Variants in NALCN observed in about 807,000 individuals in gnomAD.
NALCN encodes the protein sodium leak channel, non-selective.
Under a neutral mutation model 225.3 loss-of-function variants are expected in NALCN, and 111 were observed. The ratio of observed to expected loss-of-function variants is 0.49; its 90% CI spans 0.42 to 0.58. The LOEUF is 0.58. NALCN is among the 20% of genes least tolerant of loss of function. The pLI is 0.00. For missense variants in NALCN, 1,378 were observed against 2,202.4 expected (o/e 0.63, Z 7.49); for synonymous variants, 764 against 769.0 (o/e 0.99, Z 0.11).
chr13:101,147,867 T>TA (rs2037435225), intron 15 of NALCN, among the ~76,000 whole-genome samples: 1 of 152,102 alleles, frequency 6.6e-6, no homozygotes, highest in Non-Finnish European at 1.5e-5. Flanking sequence ...CCCCCACCTC[T>TA]GCCGGCCCTC....
intron 2 of NALCN, among the ~76,000 whole-genome samples, chr13:101,398,488 C>T (rs8000376): frequency 0.6 from 90,550 of 152,040 alleles, 28,100 homozygotes; most frequent in East Asian, 0.85. Context: ...CTTTCTGGCA[C>T]ACAGTCGTGC....
chr13:101,153,055 CTCTT>C (rs1342932160), intron 15 of NALCN, among the ~76,000 whole-genome samples: 1 of 149,340 alleles, frequency 6.7e-6, no homozygotes, highest in Non-Finnish European at 1.5e-5. Context: ...TGTAATTTTT[CTCTT>C]TTTTTTAATT....
intron 15 of NALCN, among the ~76,000 whole-genome samples, chr13:101,157,954 C>A (rs546632665): frequency 1.6e-4 from 25 of 152,000 alleles, no homozygotes; most frequent in Middle Eastern, 3.4e-3. Flanking sequence ...GGTTTCACCA[C>A]GTTGGCCAGG....
chr13:101,121,895 T>C (rs908976688), intron 18 of NALCN, among the ~76,000 whole-genome samples: 2 of 151,524 alleles, frequency 1.3e-5, no homozygotes, highest in African/African-American at 4.8e-5. Flanking sequence ...TTTTTCTCCT[T>C]CCCAATTTTG....
chr13:101,147,609 G>T (rs2139808796), intron 15 of NALCN, among the ~76,000 whole-genome samples: 1 of 152,212 alleles, frequency 6.6e-6, no homozygotes, highest in African/African-American at 2.4e-5. Flanking sequence ...TTGCAATGTT[G>T]CCCAGGCTGG....
intron 13 of NALCN, among the ~76,000 whole-genome samples, chr13:101,214,693 G>A (rs575709433): frequency 4.6e-5 from 7 of 152,240 alleles, no homozygotes; most frequent in South Asian, 2.1e-4. Context: ...GAGAATTTCC[G>A]ATCTCTGCTA....
intron 7 of NALCN, among the ~76,000 whole-genome samples, chr13:101,304,644 C>T (rs1490780645): frequency 6.6e-6 from 1 of 152,072 alleles, no homozygotes; most frequent in Non-Finnish European, 1.5e-5. Context: ...CGCCATGTTG[C>T]TCAGGCTGGC....
intron 18 of NALCN, among the ~76,000 whole-genome samples, chr13:101,115,540 T>C (rs1330546675): frequency 6.6e-6 from 1 of 152,184 alleles, no homozygotes; most frequent in East Asian, 1.9e-4. Context: ...GATGCATACA[T>C]CCTTAAAGTT....
intron 18 of NALCN, among the ~76,000 whole-genome samples, chr13:101,121,933 G>A (rs933137878): frequency 6.6e-6 from 1 of 150,454 alleles, no homozygotes; most frequent in African/African-American, 2.5e-5. Context: ...CAATTGTCCT[G>A]AGGTTACTGC....
chr13:101,200,683 C>G (rs1207843544), intron 13 of NALCN, among the ~76,000 whole-genome samples: 6 of 152,134 alleles, frequency 3.9e-5, no homozygotes, highest in Non-Finnish European at 7.3e-5. Context: ...AGAGCCAGAT[C>G]ATCAATAGCA....
At chr13:101,069,635 T>C (rs1249790823) in intron 37 of NALCN, among the ~76,000 whole-genome samples, 1 of 152,264 alleles carries the variant, frequency 6.6e-6, no homozygotes, top group African/African-American at 2.4e-5. Flanking sequence ...TTCTGCAGCA[T>C]GTGATGCTGT....
At chr13:101,307,750 G>A (rs1288148015) in intron 7 of NALCN, among the ~76,000 whole-genome samples, 3 of 152,104 alleles carry the variant, frequency 2.0e-5, no homozygotes, top group Admixed American at 2.0e-4. Flanking sequence ...GCTTTTGCTT[G>A]GGTTGAGGAG....
intron 10 of NALCN, among the ~76,000 whole-genome samples, chr13:101,260,012 C>A (rs1297105719): frequency 6.6e-6 from 1 of 151,662 alleles, no homozygotes; most frequent in Non-Finnish European, 1.5e-5. Context: ...ATCCCTGCCT[C>A]CCCCCGTCCC....
At chr13:101,375,092 T>C (rs2139414362) in intron 6 of NALCN, among the ~76,000 whole-genome samples, 1 of 152,312 alleles carries the variant, frequency 6.6e-6, no homozygotes, top group South Asian at 2.1e-4. Flanking sequence ...AATTTTGGTC[T>C]TCTTTATTGC....
intron 26 of NALCN, among the ~76,000 whole-genome samples, chr13:101,101,281 CT>C (rs60948311): frequency 4.7e-4 from 53 of 112,372 alleles, no homozygotes; most frequent in South Asian, 2.9e-3. Flanking sequence ...ATTTTTTTTT[CT>C]TTTTTTTTTT....
chr13:101,285,443 G>A (rs987726116), intron 9 of NALCN, among the ~76,000 whole-genome samples: 2 of 151,124 alleles, frequency 1.3e-5, no homozygotes, highest in African/African-American at 4.8e-5. Flanking sequence ...GGGACTACAG[G>A]CACCCGCCAC....
chr13:101,370,962 TAA>T (rs1298913315), intron 6 of NALCN, among the ~76,000 whole-genome samples: 1 of 152,206 alleles, frequency 6.6e-6, no homozygotes, highest in Non-Finnish European at 1.5e-5. Flanking sequence ...TCATTAAAGA[TAA>T]GTTTGCATTT....
At chr13:101,232,738 A>G (rs1364331967) in intron 12 of NALCN, among the ~76,000 whole-genome samples, 2 of 151,966 alleles carry the variant, frequency 1.3e-5, no homozygotes, top group East Asian at 1.9e-4. Flanking sequence ...GAGCCACTGC[A>G]CCCGGCCATC....
At chr13:101,131,753 G>T (rs112581765) in intron 17 of NALCN, among the ~76,000 whole-genome samples, 89 of 152,244 alleles carry the variant, frequency 5.8e-4, no homozygotes, top group African/African-American at 2.0e-3. Context: ...AGGGTTTGTG[G>T]ATTACCGAGT....
Sources: gnomAD v4.1 joint callset for allele counts (sites outside exome capture counted in the v4.1 genomes callset) on GRCh38, gnomAD v4.1.1 for gene constraint, MANE v1.5 for transcripts, NCBI Gene and HGNC (gene_info 2026-07-23, HGNC 2026-07-21) for gene names.